The following FAM193A variants were observed in gnomAD, a reference collection of about 807,000 sequenced individuals.
FAM193A encodes family with sequence similarity 193 member A, also known as protein FAM193A.
In FAM193A, 22 loss-of-function variants were observed where a neutral mutation model predicts 126.5. The ratio of observed to expected loss-of-function variants is 0.17; its 90% CI spans 0.12 to 0.25. The LOEUF (loss-of-function observed/expected upper bound fraction) is 0.25, where lower values mean the gene tolerates loss of function less well. Ranked by LOEUF, FAM193A falls within the 10% of genes least tolerant of loss-of-function variation. The pLI, the probability that FAM193A is intolerant of heterozygous loss-of-function variation, is 1.00. For synonymous variants in FAM193A, 761 were observed against 646.8 expected (o/e 1.18, Z -2.68); for missense variants, 1,675 against 1,672.8 (o/e 1.00, Z -0.02).
Position 2,732,362 on chromosome 4 carries a change from T to TC in FAM193A, c.*499dup, listed in dbSNP as rs572926619. Reference sequence around the variant, plus strand: ...TACACGTTGCGCTGTTTGTGTTTGATCCCCCTGACTTGTAGCCAGCTTGTG... The same window carrying TC: ...TACACGTTGCGCTGTTTGTGTTTGATCCCCCCTGACTTGTAGCCAGCTTGTG... On this transcript the variant is annotated 3_prime_UTR_variant, in exon 21 of 21. Coordinates refer to ENST00000637812, the MANE Select transcript of FAM193A (RefSeq NM_001366318.2). 347 of 171,200 alleles carry TC rather than the reference T, an allele frequency of 2.0e-3. No homozygotes were observed. Among genetic ancestry groups the TC allele is most frequent in the African/African-American group, 6.3e-3 (266 of 42,030 alleles). The allele number at this position is 171,200 out of a possible 1,614,324, so 10.6% of individuals were successfully genotyped here.
At chr4:2,556,863 G>A (rs1738291366) in intron 1 of FAM193A, among the ~76,000 whole-genome samples, 1 of 152,160 alleles carries the variant, frequency 6.6e-6, no homozygotes, top group Non-Finnish European at 1.5e-5. Flanking sequence ...ATGTTAGATA[G>A]AGCTTGAAAC....
intron 2 of FAM193A, among the ~76,000 whole-genome samples, chr4:2,611,517 A>C (rs1031784117): frequency 6.6e-6 from 1 of 151,714 alleles, no homozygotes; most frequent in Non-Finnish European, 1.5e-5. Flanking sequence ...CAGGTGATCC[A>C]CCCGCCTCAG....
chr4:2,566,603 C>G (rs1220224894), intron 1 of FAM193A, among the ~76,000 whole-genome samples: 2 of 151,942 alleles, frequency 1.3e-5, no homozygotes, highest in Non-Finnish European at 2.9e-5. Context: ...GCAGGAGAAT[C>G]ACTTGAACCT....
chr4:2,631,305 G>T (rs1032732091), intron 5 of FAM193A, 136 bp downstream of exon 5: 2 of 722,144 alleles, frequency 2.8e-6, no homozygotes, highest in South Asian at 1.9e-5. Flanking sequence ...TCTTCTCTAC[G>T]GGAGAGGACC....
intron 2 of FAM193A, among the ~76,000 whole-genome samples, chr4:2,614,634 A>T (rs1229054451): frequency 1.3e-5 from 2 of 152,124 alleles, no homozygotes; most frequent in African/African-American, 4.8e-5. Context: ...ATGAGCTAGG[A>T]TGTATTTTCT....
At chr4:2,604,798 T>C (rs1396889465) in intron 2 of FAM193A, among the ~76,000 whole-genome samples, 1 of 129,310 alleles carries the variant, frequency 7.7e-6, no homozygotes, top group African/African-American at 2.9e-5. Context: ...TTCCTTTTTT[T>C]TTTTTTTTTT....
chr4:2,697,884 C>T (rs1717219361), intron 18 of FAM193A, among the ~76,000 whole-genome samples: 1 of 152,194 alleles, frequency 6.6e-6, no homozygotes, highest in South Asian at 2.1e-4. Context: ...TGAGACGTCC[C>T]ATTGGGATTC....
chr4:2,698,940 A>C (rs1376033613), intron 18 of FAM193A, among the ~76,000 whole-genome samples: 1 of 152,162 alleles, frequency 6.6e-6, no homozygotes, highest in East Asian at 1.9e-4. Flanking sequence ...GTTCTTTACT[A>C]CACATTGCTT....
intron 1 of FAM193A, among the ~76,000 whole-genome samples, chr4:2,557,981 T>C (rs543301797): frequency 6.7e-6 from 1 of 150,322 alleles, no homozygotes; most frequent in Admixed American, 6.6e-5. Flanking sequence ...CATTTAATAG[T>C]GTACTACAAG....
At chr4:2,636,325 A>C (rs1425553607) in intron 5 of FAM193A, among the ~76,000 whole-genome samples, 2 of 152,066 alleles carry the variant, frequency 1.3e-5, no homozygotes, top group Non-Finnish European at 2.9e-5. Flanking sequence ...AGCCTCCCAA[A>C]GTGCTGGAAT....
intron 1 of FAM193A, among the ~76,000 whole-genome samples, chr4:2,559,944 T>C (rs552167440): frequency 6.6e-6 from 1 of 151,510 alleles, no homozygotes; most frequent in Non-Finnish European, 1.5e-5. Context: ...TGTGCACGCT[T>C]TTCTTTTCTT....
At chr4:2,685,555 C>G (rs1231339275) in intron 13 of FAM193A, among the ~76,000 whole-genome samples, 1 of 152,214 alleles carries the variant, frequency 6.6e-6, no homozygotes. Context: ...TCCTTCGCCT[C>G]TTTACCAATC....
At chr4:2,594,946 A>G (rs1043356368) in intron 1 of FAM193A, among the ~76,000 whole-genome samples, 1 of 146,230 alleles carries the variant, frequency 6.8e-6, no homozygotes, top group Non-Finnish European at 1.5e-5. Flanking sequence ...CTCCTGCGTC[A>G]GCCTCCTGAG....
intron 13 of FAM193A, among the ~76,000 whole-genome samples, chr4:2,677,601 C>T (rs146084062): frequency 3.3e-3 from 502 of 151,748 alleles, no homozygotes; most frequent in African/African-American, 7.8e-3. Context: ...ATTAGCCGGG[C>T]GTGGTGGCAC....
rs143939825 is a variant in FAM193A at position 2,700,361 on chromosome 4, A to T, written c.4189A>T (p.Asn1397Tyr). ...KREERKVNSN[N>Y]NNKKQLNHIK... ...AGAGGAGAGAAAAGTCAACAGTAAT[A>T]ACAATAACAAAAAGCAGCTGAACCA... is the stretch of plus-strand genomic sequence containing the variant. Residue 1397 changes from asparagine to tyrosine, a missense_variant, in exon 19 of 21, where the codon AAC becomes TAC. Asn to Tyr is a moderately radical substitution (Grantham distance 143). Around this residue, in one of 4 missense-constraint regions of FAM193A, gnomAD observed 415 missense variants for 396.7 expected, o/e 1.05. Coordinates refer to ENST00000637812, the MANE Select transcript of FAM193A (RefSeq NM_001366318.2). 46 of 1,614,120 alleles carry T rather than the reference A, an allele frequency of 2.8e-5. No individual in the cohort carries two copies. The African/African-American group carries it at 5.3e-4, about 19-fold the overall frequency.
intron 2 of FAM193A, among the ~76,000 whole-genome samples, chr4:2,605,262 C>A (rs1398241691): frequency 2.6e-5 from 4 of 152,170 alleles, no homozygotes; most frequent in Admixed American, 2.0e-4. Flanking sequence ...TACCCTCTTG[C>A]AGCAAGTTCA....
intron 20 of FAM193A, among the ~76,000 whole-genome samples, chr4:2,724,355 C>T (rs977491320): frequency 1.3e-5 from 2 of 152,038 alleles, no homozygotes; most frequent in Non-Finnish European, 2.9e-5. Context: ...ATCACTTTTT[C>T]CTTTGACAAA....
intron 13 of FAM193A, among the ~76,000 whole-genome samples, chr4:2,683,105 C>T (rs954659286): frequency 8.5e-5 from 13 of 152,246 alleles, no homozygotes; most frequent in African/African-American, 3.1e-4. Flanking sequence ...TGGCTGGACA[C>T]ATAATTCTAG....
intron 20 of FAM193A, among the ~76,000 whole-genome samples, chr4:2,724,946 G>A (rs183508129): frequency 6.6e-6 from 1 of 152,086 alleles, no homozygotes; most frequent in Non-Finnish European, 1.5e-5. Flanking sequence ...GTGCAATCTC[G>A]GCTCACTGCA....
Sources: gnomAD v4.1 joint callset for allele counts (sites outside exome capture counted in the v4.1 genomes callset) on GRCh38, gnomAD v4.1.1 for gene constraint, gnomAD v4.1.1 regional missense constraint, MANE v1.5 for transcripts, NCBI Gene and HGNC (gene_info 2026-07-23, HGNC 2026-07-21) for gene names.